COQ10B: variants seen among roughly 807,000 people sequenced by gnomAD.
The protein encoded by COQ10B is coenzyme Q-binding protein COQ10 homolog B, mitochondrial.
COQ10B carries 12 observed loss-of-function variants against 27.6 expected under a neutral mutation model. The ratio of observed to expected loss-of-function variants is 0.43; its 90% CI spans 0.28 to 0.70. COQ10B has a LOEUF of 0.70. Among genes scored for constraint, COQ10B ranks in the 30% least tolerant of loss-of-function variants. COQ10B has a pLI of 0.17. For missense variants in COQ10B, 278 were observed against 288.7 expected (o/e 0.96, Z 0.27); for synonymous variants, 115 against 103.0 (o/e 1.12, Z -0.71).
intron 1 of COQ10B, chr2:197,454,078 C>T: frequency 6.4e-7 from 1 of 1,551,198 alleles, no homozygotes; most frequent in African/African-American, 1.4e-5. Flanking sequence ...TTCCTTCTAC[C>T]TGCCAGATGG....
intron 3 of COQ10B, among the ~76,000 whole-genome samples, chr2:197,463,449 C>T (rs938256630): frequency 6.9e-5 from 10 of 144,838 alleles, no homozygotes; most frequent in Admixed American, 7.0e-5. Flanking sequence ...GCAGCCTGGG[C>T]AACACAGTGA....
At position 197,462,563 on chromosome 2, in the gene COQ10B, T is replaced by C; in HGVS notation, c.279T>C (p.Asp93=). ...GATATTCAATGCAGGAAATGTATGA[T>C]GTAGTATCGGGAGTGGAGGATTACA... The part of the protein sequence containing the change: ...ILGYSMQEMY[D]VVSGVEDYKH... Residue 93 remains aspartate, a synonymous_variant, in exon 3 of 5, where the codon GAT becomes GAC. Coordinates refer to ENST00000263960, the MANE Select transcript of COQ10B (RefSeq NM_025147.5). 6.3e-7 allele frequency: 1 copy of C among 1,583,306 alleles called. No homozygotes were observed. Among genetic ancestry groups the C allele is most frequent in the Non-Finnish European group, 8.6e-7 (1 of 1,160,846 alleles).
intron 3 of COQ10B, among the ~76,000 whole-genome samples, chr2:197,464,280 CATTTTGGAGTGGCCAAAG>C (rs1334453496): frequency 6.6e-6 from 1 of 151,784 alleles, no homozygotes; most frequent in Non-Finnish European, 1.5e-5. Context: ...TTTGCATTCC[CATTTTGGAGTGGCCAAAG>C]ATTTTTAAAA....
chr2:197,460,189 C>T, intron 2 of COQ10B, 108 bp downstream of exon 2: 7 of 669,686 alleles, frequency 1.0e-5, no homozygotes, highest in East Asian at 1.0e-4. Context: ...ACTAAGCTCT[C>T]TTTTCTAGGT....
Position 197,454,721 on chromosome 2 carries a change from A to G in COQ10B, c.104+1057A>G, listed in dbSNP as rs565794751. Among the ~76,000 whole-genome samples, 23 of 152,312 alleles carry G rather than the reference A, an allele frequency of 1.5e-4. No individual in the cohort carries two copies. The South Asian group carries it at 4.3e-3, about 29-fold the overall frequency. On this transcript the variant is annotated intron_variant, in intron 1 of 4. Coordinates refer to ENST00000263960, the MANE Select transcript of COQ10B (RefSeq NM_025147.5). The stretch of plus-strand genomic sequence containing the variant: ...AATAACACTTACTTTTGAGAAAAAT[A>G]CAGTTGCTTTAATGATCAAATTGAG...
chr2:197,462,954 T>C (rs925016800), intron 3 of COQ10B, among the ~76,000 whole-genome samples: 13 of 152,222 alleles, frequency 8.5e-5, no homozygotes, highest in Non-Finnish European at 1.6e-4. Flanking sequence ...CCCTTTTTTT[T>C]CCCTTCTATT....
At chr2:197,464,078 C>T (rs1254922571) in intron 3 of COQ10B, among the ~76,000 whole-genome samples, 2 of 134,250 alleles carry the variant, frequency 1.5e-5, no homozygotes, top group South Asian at 2.3e-4. Context: ...CACACACACA[C>T]ACATATATAT....
In COQ10B at chr2:197,462,547, TG is replaced by T; in HGVS notation, c.264del (p.Met88IlefsTer7). 6.4e-7 allele frequency: 1 copy of T among 1,554,360 alleles called. No homozygotes were observed. Among genetic ancestry groups the T allele is most frequent in the Non-Finnish European group, 8.8e-7 (1 of 1,142,708 alleles). ...YSERRILGYSMQEMYDVVSGV... is the reference protein window; with the variant it reads ...YSERRILGYSXQEMYDVVSGV... Reference sequence around the variant, plus strand: ...ATTTTTATTTTTTAAAGATATTCAATGCAGGAAATGTATGATGTAGTATCGG... The same window carrying T: ...ATTTTTATTTTTTAAAGATATTCAATCAGGAAATGTATGATGTAGTATCGG... On this transcript the variant is annotated frameshift_variant, in exon 3 of 5. Coordinates refer to ENST00000263960, the MANE Select transcript of COQ10B (RefSeq NM_025147.5). LOFTEE classifies it high-confidence loss of function.
intron 1 of COQ10B, among the ~76,000 whole-genome samples, chr2:197,458,957 G>T (rs1421677225): frequency 2.6e-5 from 4 of 152,134 alleles, no homozygotes. Context: ...TGGGATTACA[G>T]GCATGAGCCA....
Position 197,460,030 on chromosome 2 carries a change from C to G in COQ10B, c.203C>G (p.Thr68Ser). ...EICARTFFKI[T>S]APLINKRKEY... The stretch of plus-strand genomic sequence containing the variant: ...TGTGCACGAACTTTCTTCAAAATCA[C>G]TGCACCATTAATAAACAAAAGGAAA... The change falls in exon 2 of 5, where the codon ACT becomes AGT. Residue 68 changes from threonine (T) to serine (S), a missense_variant. Thr to Ser is a moderately conservative substitution (Grantham distance 58). This residue lies in a region of COQ10B where 183 missense variants were observed against 158.2 expected (regional missense o/e 1.16). Transcript: ENST00000263960. 1.2e-6 allele frequency: 2 copies of G among 1,611,434 alleles called. No homozygotes were observed. The highest frequency in any genetic ancestry group is 1.7e-6 in the Non-Finnish European group (2 of 1,178,064).
intron 3 of COQ10B, among the ~76,000 whole-genome samples, chr2:197,463,990 TATATATACACACAC>T (rs1431289991): frequency 5.3e-5 from 4 of 74,928 alleles, no homozygotes; most frequent in African/African-American, 1.1e-4. Context: ...TATATATATA[TATATATACACACAC>T]ACACACACAC....
At chr2:197,472,770 C>T (rs1229856551) in intron 4 of COQ10B, among the ~76,000 whole-genome samples, 1 of 138,436 alleles carries the variant, frequency 7.2e-6, no homozygotes, top group African/African-American at 2.8e-5. Context: ...GGGCCATTTC[C>T]AGCCTGGGCG....
In COQ10B at chr2:197,456,247, C is replaced by T. The variant is rs943166798; in HGVS notation, c.104+2583C>T. On this transcript the variant is annotated intron_variant, in intron 1 of 4. Transcript: ENST00000263960. Reference sequence around the variant, plus strand: ...TTGGGAGGCCAAGGTGGGCGGATCACAAGGTCAAGAGATCAAGACCATCCT... The same window carrying T: ...TTGGGAGGCCAAGGTGGGCGGATCATAAGGTCAAGAGATCAAGACCATCCT... Among the ~76,000 whole-genome samples, 71 of 152,188 alleles carry T rather than the reference C, an allele frequency of 4.7e-4. 1 individual carries two copies. The highest frequency in any genetic ancestry group is 5.9e-5 in the Non-Finnish European group (4 of 67,996).
rs1417755879 is a variant in COQ10B at position 197,473,441 on chromosome 2, T to TATAC, written c.550-315_550-314insTACA. On this transcript the variant is annotated intron_variant, in intron 4 of 4. Coordinates refer to ENST00000263960, the MANE Select transcript of COQ10B (RefSeq NM_025147.5). ...ATATATATATATATATATATATATA[T>TATAC]ACACATATATACATATATATATATG... is the stretch of plus-strand genomic sequence containing the variant. 4.8e-3 allele frequency among the ~76,000 whole-genome samples: 468 copies of TATAC among 98,184 alleles called. 13 individuals carry two copies. Among genetic ancestry groups the TATAC allele is most frequent in the Non-Finnish European group, 5.8e-3 (297 of 51,434 alleles). The allele number at this position is 98,184 out of a possible 152,430, so 64.4% of individuals were successfully genotyped here.
chr2:197,471,233 C>G (rs764693705), intron 4 of COQ10B, among the ~76,000 whole-genome samples: 61 of 151,948 alleles, frequency 4.0e-4, no homozygotes, highest in Admixed American at 6.6e-4. Context: ...ACCTCTGCTT[C>G]CCTGGCTCAA....
At position 197,454,572 on chromosome 2, in the gene COQ10B, G is replaced by A. The variant is rs1574576151; in HGVS notation, c.104+908G>A. 4.6e-5 allele frequency among the ~76,000 whole-genome samples: 7 copies of A among 152,162 alleles called. 1 individual carries two copies. Among genetic ancestry groups the A allele is most frequent in the Admixed American group, 4.6e-4 (7 of 15,272 alleles). Reference sequence around the variant, plus strand: ...AAATCCCTTTAGACAAATGTTGGATGAGACAAACAAAATCATAAAATTACT... The same window carrying A: ...AAATCCCTTTAGACAAATGTTGGATAAGACAAACAAAATCATAAAATTACT... On this transcript the variant is annotated intron_variant, in intron 1 of 4. Transcript: ENST00000263960.
intron 1 of COQ10B, among the ~76,000 whole-genome samples, chr2:197,458,164 T>G (rs1375067091): frequency 6.6e-6 from 1 of 151,586 alleles, no homozygotes; most frequent in Non-Finnish European, 1.5e-5. Flanking sequence ...TCGCCCAGGC[T>G]GGAGTGCAGT....
intron 3 of COQ10B, among the ~76,000 whole-genome samples, chr2:197,466,705 C>T (rs938322948): frequency 3.3e-5 from 5 of 152,104 alleles, no homozygotes; most frequent in African/African-American, 1.2e-4. Flanking sequence ...TTCATAATAA[C>T]CTGCATTAGA....
Position 197,462,560 on chromosome 2 carries a change from T to C in COQ10B, c.276T>C (p.Tyr92=). The C allele has an allele frequency of 6.3e-7, 1 of 1,579,922 alleles. No homozygotes were observed. Among genetic ancestry groups the C allele is most frequent in the Non-Finnish European group, 8.6e-7 (1 of 1,159,100 alleles). ...RILGYSMQEM[Y]DVVSGVEDYK... ...AAAGATATTCAATGCAGGAAATGTA[T>C]GATGTAGTATCGGGAGTGGAGGATT... The change falls in exon 3 of 5, where the codon TAT becomes TAC. Residue 92 remains tyrosine, a synonymous_variant. Coordinates refer to ENST00000263960, the MANE Select transcript of COQ10B (RefSeq NM_025147.5).
Sources: gnomAD v4.1 joint callset for allele counts (sites outside exome capture counted in the v4.1 genomes callset) on GRCh38, gnomAD v4.1.1 for gene constraint, gnomAD v4.1.1 regional missense constraint, MANE v1.5 for transcripts, NCBI Gene and HGNC (gene_info 2026-07-23, HGNC 2026-07-21) for gene names.